PLXNA4: variants seen among roughly 807,000 people sequenced by gnomAD.
The protein encoded by PLXNA4 is plexin A4.
A neutral mutation model predicts 191.8 loss-of-function variants in PLXNA4; 44 were observed. That is an observed-to-expected ratio of 0.23 (90% CI 0.18 to 0.29). PLXNA4 has a LOEUF of 0.29. PLXNA4 is among the 10% of genes least tolerant of loss of function. The probability of loss-of-function intolerance (pLI) is 1.00; values close to 1 mark genes in which losing one functional copy is unlikely to be tolerated. For missense variants in PLXNA4, 1,800 were observed against 2,488.8 expected (o/e 0.72, Z 5.89); for synonymous variants, 1,082 against 1,009.5 (o/e 1.07, Z -1.36).
chr7:132,356,690 C>A (rs1302191301), intron 3 of PLXNA4, among the ~76,000 whole-genome samples: 1 of 152,180 alleles, frequency 6.6e-6, no homozygotes. Flanking sequence ...ATTATTCTAG[C>A]CCAGGCAATA....
At chr7:132,630,158 C>T (rs1210390677) in intron 2 of PLXNA4, among the ~76,000 whole-genome samples, 2 of 152,042 alleles carry the variant, frequency 1.3e-5, no homozygotes, top group South Asian at 2.1e-4. Flanking sequence ...CCTGGTGTCT[C>T]TTCTTATAAG....
At chr7:132,492,674 T>C (rs1797853542) in intron 2 of PLXNA4, among the ~76,000 whole-genome samples, 1 of 152,058 alleles carries the variant, frequency 6.6e-6, no homozygotes, top group Non-Finnish European at 1.5e-5. Context: ...GAGGGATTTT[T>C]AAGATTGAAA....
intron 13 of PLXNA4, among the ~76,000 whole-genome samples, chr7:132,195,627 T>C (rs183287809): frequency 6.6e-6 from 1 of 152,216 alleles, no homozygotes; most frequent in East Asian, 1.9e-4. Context: ...TCCAATATAA[T>C]GGGGGAAAAA....
At chr7:132,423,829 G>A (rs1236006348) in intron 3 of PLXNA4, among the ~76,000 whole-genome samples, 4 of 152,160 alleles carry the variant, frequency 2.6e-5, no homozygotes, top group South Asian at 2.1e-4. Flanking sequence ...TCGTAATTGC[G>A]TTACTCACAT....
chr7:132,259,230 T>C (rs553587739), intron 4 of PLXNA4, among the ~76,000 whole-genome samples: 2 of 151,796 alleles, frequency 1.3e-5, no homozygotes, highest in African/African-American at 2.4e-5. Context: ...CTCAGACTTA[T>C]TTCTCAGTAC....
intron 2 of PLXNA4, among the ~76,000 whole-genome samples, chr7:132,633,733 C>G (rs966178050): frequency 6.6e-6 from 1 of 152,198 alleles, no homozygotes; most frequent in African/African-American, 2.4e-5. Flanking sequence ...GCGTCCCTGA[C>G]TCTGACCCTC....
intron 1 of PLXNA4, among the ~76,000 whole-genome samples, chr7:132,559,014 G>A (rs1003138129): frequency 2.6e-5 from 4 of 152,090 alleles, no homozygotes; most frequent in Admixed American, 6.6e-5. Flanking sequence ...CCCCGGTGGC[G>A]TCAACTGCTC....
At chr7:132,607,258 C>T (rs1371336505) in intron 2 of PLXNA4, among the ~76,000 whole-genome samples, 2 of 152,188 alleles carry the variant, frequency 1.3e-5, no homozygotes, top group African/African-American at 2.4e-5. Context: ...GTTTCAAATT[C>T]TAGAGAAATT....
intron 13 of PLXNA4, among the ~76,000 whole-genome samples, chr7:132,197,518 C>T (rs1780107150): frequency 6.6e-6 from 1 of 152,084 alleles, no homozygotes; most frequent in Admixed American, 6.6e-5. Context: ...TTAGCAGTGG[C>T]CTAGTTTGGT....
At chr7:132,293,146 G>A (rs1307707368) in intron 4 of PLXNA4, among the ~76,000 whole-genome samples, 2 of 152,272 alleles carry the variant, frequency 1.3e-5, no homozygotes, top group East Asian at 1.9e-4. Context: ...TGCCCCTGAT[G>A]GTAGGAGGGG....
At chr7:132,525,145 CAT>C (rs1448956474) in intron 1 of PLXNA4, among the ~76,000 whole-genome samples, 1 of 152,212 alleles carries the variant, frequency 6.6e-6, no homozygotes, top group East Asian at 1.9e-4. Context: ...CTAGGTATCT[CAT>C]ATGAGTGGGA....
upstream of PLXNA4, among the ~76,000 whole-genome samples, chr7:132,580,110 C>A (rs1206598703): frequency 6.6e-6 from 1 of 152,128 alleles, no homozygotes; most frequent in East Asian, 1.9e-4. Flanking sequence ...AAAGGACATA[C>A]CATCTTATTA....
At chr7:132,180,108 C>G (rs1796657752) in intron 19 of PLXNA4, among the ~76,000 whole-genome samples, 187 bp from the exon 20 acceptor site, 1 of 152,120 alleles carries the variant, frequency 6.6e-6, no homozygotes, top group Admixed American at 6.6e-5. Context: ...CAGAGCTCAC[C>G]CCCAACTGGA....
At chr7:132,594,946 GATA>G (rs1563189677) in intron 2 of PLXNA4, among the ~76,000 whole-genome samples, 1 of 147,402 alleles carries the variant, frequency 6.8e-6, no homozygotes, top group East Asian at 1.9e-4. Context: ...TAGATAGATA[GATA>G]GATAGATAGA....
intron 3 of PLXNA4, among the ~76,000 whole-genome samples, chr7:132,414,958 T>C (rs762786552): frequency 3.9e-5 from 6 of 152,200 alleles, no homozygotes; most frequent in Non-Finnish European, 7.3e-5. Flanking sequence ...TCCATTGGAA[T>C]CCACAACCTC....
In PLXNA4 at chr7:132,143,553, T is replaced by TTA. The variant is rs573689800; in HGVS notation, c.5225+1565_5225+1566insTA. ...AAGTTCTGGGCAGAGCATTTTTTTTTAAAAATTTCCTGAAGGCTGCTAACA... is the reference window on the plus strand; with the variant it reads ...AAGTTCTGGGCAGAGCATTTTTTTTTTAAAAAATTTCCTGAAGGCTGCTAACA... On this transcript the variant is annotated intron_variant, in intron 29 of 31. Transcript: ENST00000321063. Among the ~76,000 whole-genome samples, 134 of 152,258 alleles carry TTA rather than the reference T, an allele frequency of 8.8e-4. 4 individuals carry two copies. In the South Asian group the frequency reaches 0.027, roughly 30 times the overall value.
intron 25 of PLXNA4, among the ~76,000 whole-genome samples, chr7:132,152,272 C>T (rs192867643): frequency 1.2e-4 from 18 of 152,272 alleles, no homozygotes; most frequent in Admixed American, 5.2e-4. Context: ...CATAAAATCT[C>T]ATCCCCACCC....
chr7:132,595,839 G>A (rs1313060187), intron 2 of PLXNA4, among the ~76,000 whole-genome samples: 2 of 152,166 alleles, frequency 1.3e-5, no homozygotes, highest in East Asian at 3.8e-4. Flanking sequence ...TTATCATCTT[G>A]TCACATTTGT....
chr7:132,368,500 G>C (rs78416910), intron 3 of PLXNA4, among the ~76,000 whole-genome samples: 1 of 152,122 alleles, frequency 6.6e-6, no homozygotes, highest in Non-Finnish European at 1.5e-5. Context: ...CACTGACCTG[G>C]GGACCAGAGG....
Sources: gnomAD v4.1 joint callset for allele counts (sites outside exome capture counted in the v4.1 genomes callset) on GRCh38, gnomAD v4.1.1 for gene constraint, MANE v1.5 for transcripts, NCBI Gene and HGNC (gene_info 2026-07-23, HGNC 2026-07-21) for gene names.